TRPC4: variants seen among roughly 807,000 people sequenced by gnomAD.
The protein encoded by TRPC4 is transient receptor potential cation channel subfamily C member 4, also known as short transient receptor potential channel 4.
A neutral mutation model predicts 99.4 loss-of-function variants in TRPC4; 49 were observed. The ratio of observed to expected loss-of-function variants is 0.49; its 90% CI spans 0.39 to 0.63. The LOEUF is 0.63. TRPC4 is among the 20% of genes least tolerant of loss of function. The probability of loss-of-function intolerance (pLI) is 0.00; values close to 1 mark genes in which losing one functional copy is unlikely to be tolerated. For synonymous variants in TRPC4, 454 were observed against 425.9 expected, an observed-to-expected ratio of 1.07 and a Z score of -0.81; for missense variants, 898 against 1,152.9, an observed-to-expected ratio of 0.78 and a Z score of 3.20.
At chr13:37,862,448 A>C (rs1959419137) in intron 1 of TRPC4, among the ~76,000 whole-genome samples, 1 of 151,624 alleles carries the variant, frequency 6.6e-6, no homozygotes, top group Non-Finnish European at 1.5e-5. Flanking sequence ...TACAGTAAAA[A>C]AACTTAAGTC....
chr13:37,639,247 G>A lies in TRPC4; in HGVS notation c.2121+11C>T. ...GTGAAAATTTCAAGACATAGTACAA[G>A]GACAACTTACTTGGTATTGGTGATG... On this transcript the variant is annotated intron_variant, in intron 9 of 10. Transcript: ENST00000379705. The A allele has an allele frequency of 6.2e-7, 1 of 1,613,544 alleles. No homozygotes were observed. Among genetic ancestry groups the A allele is most frequent in the South Asian group, 1.1e-5 (1 of 91,052 alleles).
At chr13:37,639,508 G>A (rs1397233321) in intron 8 of TRPC4, among the ~76,000 whole-genome samples, 1 of 151,924 alleles carries the variant, frequency 6.6e-6, no homozygotes, top group Non-Finnish European at 1.5e-5. Context: ...TTGAAACACA[G>A]AATAAGTTAA....
chr13:37,825,753 A>G (rs2139563652), intron 1 of TRPC4, among the ~76,000 whole-genome samples: 1 of 150,840 alleles, frequency 6.6e-6, no homozygotes, highest in East Asian at 2.0e-4. Context: ...TATTCTGTTG[A>G]TTTGGGGTGG....
rs1566216069 is a variant in TRPC4, at chr13:37,842,372, G to GAAAAAA, written c.-28+27222_-28+27223insTTTTTT. Among the ~76,000 whole-genome samples the GAAAAAA allele has an allele frequency of 2.0e-3, 144 of 72,062 alleles. 9 individuals carry two copies. The highest frequency in any genetic ancestry group is 2.7e-3 in the Non-Finnish European group (96 of 34,948). The allele number at this position is 72,062 out of a possible 152,430, so 47.3% of individuals were successfully genotyped here. A position where few individuals can be genotyped will look rare whatever the true frequency, so the allele number is the denominator to read the frequency against. ...AAAAAAAAAAAAAAAAAAAAAAAAG[G>GAAAAAA]AAAAGGAAAAGTATAAATCGGGGGC... On this transcript the variant is annotated intron_variant, in intron 1 of 10. Coordinates refer to ENST00000379705, the MANE Select transcript of TRPC4 (RefSeq NM_016179.4).
chr13:37,670,056 C>T (rs1593475002), intron 5 of TRPC4, among the ~76,000 whole-genome samples: 1 of 152,088 alleles, frequency 6.6e-6, no homozygotes, highest in African/African-American at 2.4e-5. Context: ...TCTCCCAACC[C>T]CTTATGCCCC....
At chr13:37,824,949 A>C (rs1402807397) in intron 1 of TRPC4, among the ~76,000 whole-genome samples, 5 of 151,978 alleles carry the variant, frequency 3.3e-5, no homozygotes, top group Admixed American at 1.3e-4. Context: ...ACAATTTCTG[A>C]TCCTGTTATT....
chr13:37,767,466 G>T (rs1361848283), intron 2 of TRPC4, among the ~76,000 whole-genome samples: 3 of 151,156 alleles, frequency 2.0e-5, no homozygotes, highest in African/African-American at 7.3e-5. Context: ...TCTCTGCAAA[G>T]AAGACTGCAT....
At chr13:37,842,518 A>C (rs1310501023) in intron 1 of TRPC4, among the ~76,000 whole-genome samples, 3 of 152,128 alleles carry the variant, frequency 2.0e-5, no homozygotes, top group African/African-American at 7.2e-5. Flanking sequence ...TGAGTGGCTT[A>C]TAAGGCACAA....
At chr13:37,749,836 T>C (rs182217336) in intron 2 of TRPC4, among the ~76,000 whole-genome samples, 121 of 152,284 alleles carry the variant, frequency 7.9e-4, no homozygotes, top group African/African-American at 2.9e-3. Context: ...ATTCGTTTTA[T>C]ACTTGTTATT....
At chr13:37,868,999 CTCGGT>C (rs2139754596) in intron 1 of TRPC4, among the ~76,000 whole-genome samples, 1 of 152,232 alleles carries the variant, frequency 6.6e-6, no homozygotes, top group South Asian at 2.1e-4. Context: ...TCATTGGAAT[CTCGGT>C]TGCCAGGCGA....
intron 1 of TRPC4, among the ~76,000 whole-genome samples, chr13:37,785,254 G>A (rs1452553902): frequency 6.6e-6 from 1 of 151,942 alleles, no homozygotes; most frequent in East Asian, 1.9e-4. Flanking sequence ...TTCAATGTTG[G>A]CCTTGGAAAG....
In TRPC4 at chr13:37,672,070, G is replaced by A. The variant is rs942850023; in HGVS notation, c.1374+2158C>T. Among the ~76,000 whole-genome samples, 3 of 152,062 alleles carry A rather than the reference G, an allele frequency of 2.0e-5. No individual in the cohort carries two copies. In the East Asian group the frequency reaches 5.8e-4, roughly 29 times the overall value. On this transcript the variant is annotated intron_variant, in intron 5 of 10. Transcript: ENST00000379705. ...TTCTAAACATGAAGAACAATGTTTAGATTTTAATGGTAAAATAGATTTTGC... is the reference window on the plus strand; with the variant it reads ...TTCTAAACATGAAGAACAATGTTTAAATTTTAATGGTAAAATAGATTTTGC...
At chr13:37,695,226 C>T (rs915021269) in intron 3 of TRPC4, among the ~76,000 whole-genome samples, 3 of 151,918 alleles carry the variant, frequency 2.0e-5, no homozygotes, top group South Asian at 4.2e-4. Flanking sequence ...CTTCCTCTCC[C>T]TGTGTCTTTT....
rs369876983 is a variant in TRPC4 at position 37,748,066 on chromosome 13, CGTGAGATTT to C, written c.379-1620_379-1612del. Among the ~76,000 whole-genome samples, 8 of 152,184 alleles carry C rather than the reference CGTGAGATTT, an allele frequency of 5.3e-5. No homozygotes were observed. In the East Asian group the frequency reaches 1.5e-3, roughly 29 times the overall value. ...TCCCAGGTGAGATGGAGTGGGACAA[CGTGAGATTT>C]CATCGTGCTGTTCAGAATGGTGCAA... On this transcript the variant is annotated intron_variant, in intron 2 of 10. Transcript: ENST00000379705.
At chr13:37,850,777 C>A (rs1348194816) in intron 1 of TRPC4, among the ~76,000 whole-genome samples, 5 of 152,032 alleles carry the variant, frequency 3.3e-5, no homozygotes, top group African/African-American at 1.2e-4. Context: ...AGTTGCAGAG[C>A]TAGCTAGGAC....
chr13:37,712,981 C>T (rs1385517967), intron 3 of TRPC4, among the ~76,000 whole-genome samples: 1 of 152,230 alleles, frequency 6.6e-6, no homozygotes, highest in East Asian at 1.9e-4. Flanking sequence ...ACACAAGCAC[C>T]CTCTATGTCA....
intron 3 of TRPC4, among the ~76,000 whole-genome samples, chr13:37,720,174 GA>G (rs1954821420): frequency 6.6e-6 from 1 of 152,102 alleles, no homozygotes; most frequent in Admixed American, 6.6e-5. Flanking sequence ...AGCTCAGTGA[GA>G]CTTGCATCGT....
At chr13:37,790,966 A>G (rs892670796) in intron 1 of TRPC4, among the ~76,000 whole-genome samples, 2 of 151,906 alleles carry the variant, frequency 1.3e-5, no homozygotes, top group Non-Finnish European at 2.9e-5. Context: ...GGAAGAAAAA[A>G]CAGAAGCTGT....
chr13:37,641,902 TC>T lies in TRPC4; in HGVS notation c.2080-2604del, dbSNP rs1024965201. On this transcript the variant is annotated intron_variant, in intron 8 of 10. Transcript: ENST00000379705. ...AGTTCTTGTCCTCTTTGCATTTTTT[TC>T]CTTTTTGATTGATAATGTGACTTAA... Among the ~76,000 whole-genome samples the T allele has an allele frequency of 4.5e-4, 68 of 152,220 alleles. 1 individual carries two copies. The highest frequency in any genetic ancestry group is 1.6e-3 in the African/African-American group (65 of 41,458).
Sources: allele counts gnomAD v4.1 joint callset (sites outside exome capture counted in the v4.1 genomes callset), GRCh38; gene constraint gnomAD v4.1.1; transcripts MANE v1.5; gene names NCBI Gene and HGNC (gene_info 2026-07-23, HGNC 2026-07-21).